Variants in ROBO2 observed in about 807,000 individuals in gnomAD.
ROBO2 encodes roundabout homolog 2.
In ROBO2, 53 loss-of-function variants were observed where a neutral mutation model predicts 160.8. That is an observed-to-expected ratio of 0.33 (90% CI 0.26 to 0.41). The LOEUF (loss-of-function observed/expected upper bound fraction) is 0.41, where lower values mean the gene tolerates loss of function less well. ROBO2 is among the 10% of genes least tolerant of loss of function. The pLI is 1.00. For missense variants in ROBO2, 1,577 were observed against 1,722.4 expected (o/e 0.92, Z 1.49); for synonymous variants, 664 against 611.7 (o/e 1.09, Z -1.26).
chr3:77,269,053 A>G (rs1280446685), intron 2 of ROBO2, among the ~76,000 whole-genome samples: 3 of 152,224 alleles, frequency 2.0e-5, no homozygotes, highest in African/African-American at 7.2e-5. Context: ...GTAGGAATAT[A>G]ATGTTTGATT....
intron 2 of ROBO2, among the ~76,000 whole-genome samples, chr3:77,369,510 C>A (rs1040923303): frequency 2.0e-5 from 3 of 152,132 alleles, no homozygotes; most frequent in East Asian, 1.9e-4. Context: ...TGGATGTAGG[C>A]CATAACTGAG....
At chr3:77,370,479 C>T (rs997915805) in intron 2 of ROBO2, among the ~76,000 whole-genome samples, 2 of 152,168 alleles carry the variant, frequency 1.3e-5, no homozygotes, top group African/African-American at 2.4e-5. Flanking sequence ...TTTTCTGGTG[C>T]TGCAGCTTTT....
In ROBO2 at chr3:76,953,153, A is replaced by C. The variant is rs149151929; in HGVS notation, c.110-144861A>C. Among the ~76,000 whole-genome samples, 257 of 152,326 alleles carry C rather than the reference A, an allele frequency of 1.7e-3. 1 individual carries two copies. The highest frequency in any genetic ancestry group is 5.2e-3 in the African/African-American group (218 of 41,588). The stretch of plus-strand genomic sequence containing the variant: ...GAAAAAAAGCCATCTTACTAGCTTG[A>C]GAAGGTTGACTTTGCTAACCTCAGC... On this transcript the variant is annotated intron_variant, in intron 2 of 26. Coordinates refer to the ROBO2 transcript ENST00000487694.
Position 77,493,388 on chromosome 3 carries a change from A to G in ROBO2, c.806+6A>G, listed in dbSNP as rs554145423. On this transcript the variant is annotated splice_donor_region_variant and intron_variant, in intron 5 of 25. Coordinates refer to ENST00000461745, the Ensembl canonical transcript of ROBO2. ...GCAGACTTGCCAAGAGGAAGGTAAG[A>G]CCAACATATGGATGGAAGATTGTTA... is the stretch of plus-strand genomic sequence containing the variant. 7 of 1,613,980 alleles carry G rather than the reference A, an allele frequency of 4.3e-6. No homozygotes were observed. In the South Asian group the frequency reaches 7.7e-5, roughly 18 times the overall value.
chr3:77,489,752 T>C (rs1338289450), intron 4 of ROBO2, among the ~76,000 whole-genome samples: 1 of 152,232 alleles, frequency 6.6e-6, no homozygotes, highest in East Asian at 1.9e-4. Context: ...ATTTATTTTA[T>C]ACCCAGCATA....
In ROBO2 at chr3:76,149,706, A is replaced by G. The variant is rs2072079151; in HGVS notation, c.109+212104A>G. Among the ~76,000 whole-genome samples the G allele has an allele frequency of 1.6e-5, 2 of 128,958 alleles. 1 individual carries two copies. The highest frequency in any genetic ancestry group is 5.2e-5 in the African/African-American group (2 of 38,202). The allele number at this position is 128,958 out of a possible 152,430, so 84.6% of individuals were successfully genotyped here. A position where few individuals can be genotyped will look rare whatever the true frequency, so the allele number is the denominator to read the frequency against. On this transcript the variant is annotated intron_variant, in intron 2 of 26. Coordinates refer to the ROBO2 transcript ENST00000487694. ...CTGTCTAAAACACACATCTGTTTAA[A>G]GCACAATCTGTCTAAAACACACATC...
At chr3:77,423,637 T>G (rs1285168812) in intron 2 of ROBO2, among the ~76,000 whole-genome samples, 1 of 152,212 alleles carries the variant, frequency 6.6e-6, no homozygotes, top group Non-Finnish European at 1.5e-5. Flanking sequence ...CTGTATGGTC[T>G]CACCTGGAAC....
At chr3:77,537,226 G>A (rs112965402) in intron 6 of ROBO2, among the ~76,000 whole-genome samples, 251 of 152,008 alleles carry the variant, frequency 1.7e-3, no homozygotes, top group African/African-American at 5.6e-3. Flanking sequence ...GTAATTATTG[G>A]CTGACTTCAC....
At chr3:76,032,914 A>G (rs2107717667) in intron 2 of ROBO2, among the ~76,000 whole-genome samples, 1 of 152,324 alleles carries the variant, frequency 6.6e-6, no homozygotes, top group Admixed American at 6.5e-5. Context: ...TCAATTGGAT[A>G]TTATATGATA....
chr3:77,028,554 A>T (rs868148075), intron 2 of ROBO2, among the ~76,000 whole-genome samples: 39 of 151,478 alleles, frequency 2.6e-4, no homozygotes, highest in African/African-American at 8.7e-4. Context: ...TGTCTCTAAT[A>T]AAAAAAATAC....
At chr3:77,243,865 G>T (rs1353519414) in intron 2 of ROBO2, among the ~76,000 whole-genome samples, 3 of 152,130 alleles carry the variant, frequency 2.0e-5, no homozygotes, top group African/African-American at 4.8e-5. Context: ...GTGGTATGGG[G>T]CATATAAGTT....
intron 2 of ROBO2, among the ~76,000 whole-genome samples, chr3:76,686,949 G>A (rs1473945005): frequency 2.6e-5 from 4 of 151,986 alleles, no homozygotes; most frequent in Non-Finnish European, 5.9e-5. Flanking sequence ...TGTATTCAAG[G>A]CTTCCTGCTA....
At chr3:76,598,454 C>G (rs191017677) in intron 2 of ROBO2, among the ~76,000 whole-genome samples, 1 of 152,080 alleles carries the variant, frequency 6.6e-6, no homozygotes, top group Admixed American at 6.6e-5. Context: ...TGGATTAATG[C>G]AGGTAAAATG....
At chr3:76,691,083 T>C (rs2092791815) in intron 2 of ROBO2, among the ~76,000 whole-genome samples, 3 of 152,002 alleles carry the variant, frequency 2.0e-5, no homozygotes, top group African/African-American at 7.2e-5. Context: ...TAACCAAGAA[T>C]TTAAAGTGAG....
At chr3:76,049,403 A>ATTTTTTTT (rs1167852972) in intron 2 of ROBO2, among the ~76,000 whole-genome samples, 542 of 53,708 alleles carry the variant, frequency 0.01, 48 homozygotes, top group African/African-American at 0.033. Context: ...ATATATATAT[A>ATTTTTTTT]TTTTTTTTTT....
chr3:76,563,817 C>G (rs1452285706), intron 2 of ROBO2, among the ~76,000 whole-genome samples: 1 of 152,118 alleles, frequency 6.6e-6, no homozygotes, highest in African/African-American at 2.4e-5. Flanking sequence ...TTACCTTAAG[C>G]AATTTTTTAA....
intron 2 of ROBO2, among the ~76,000 whole-genome samples, chr3:76,781,605 G>A (rs2062649877): frequency 6.6e-6 from 1 of 150,716 alleles, no homozygotes; most frequent in Non-Finnish European, 1.5e-5. Flanking sequence ...TCATGAAAAT[G>A]TGTTGAATTT....
At chr3:77,260,169 C>T (rs569770719) in intron 2 of ROBO2, among the ~76,000 whole-genome samples, 18 of 152,090 alleles carry the variant, frequency 1.2e-4, no homozygotes, top group South Asian at 2.1e-4. Context: ...GTTTTCACAG[C>T]GGTGGGTCCA....
chr3:77,294,348 A>AATAAAATTGACGGTTAAACGG (rs2061752304), intron 2 of ROBO2, among the ~76,000 whole-genome samples: 1 of 143,836 alleles, frequency 7.0e-6, no homozygotes, highest in Non-Finnish European at 1.5e-5. Flanking sequence ...AAAGACATAA[A>AATAAAATTGACGGTTAAACGG]GTAAAATTGA....
Sources: gnomAD v4.1 joint callset for allele counts (sites outside exome capture counted in the v4.1 genomes callset) on GRCh38, gnomAD v4.1.1 for gene constraint, MANE v1.5 for transcripts, NCBI Gene and HGNC (gene_info 2026-07-23, HGNC 2026-07-21) for gene names.